Variants in ATP5MJ observed in about 807,000 individuals in gnomAD.
ATP5MJ encodes ATP synthase membrane subunit j, also known as ATP synthase F(0) complex subunit j, mitochondrial.
A neutral mutation model predicts 8.3 loss-of-function variants in ATP5MJ; 4 were observed. That is an observed-to-expected ratio of 0.48 (90% CI 0.24 to 1.11). The LOEUF is 1.11. Among genes scored for constraint, ATP5MJ ranks in the 50% least tolerant of loss-of-function variants. The probability of loss-of-function intolerance (pLI) is 0.18; values close to 1 mark genes in which losing one functional copy is unlikely to be tolerated. For missense variants in ATP5MJ, 66 were observed against 71.8 expected (o/e 0.92, Z 0.29); for synonymous variants, 23 against 21.3 (o/e 1.08, Z -0.23).
chr14:103,914,779 G>A, intron 2 of ATP5MJ: 1 of 466,600 alleles, frequency 2.1e-6, no homozygotes, highest in African/African-American at 2.2e-5. Context: ...GGAGGCTGCA[G>A]TGAACCATGA....
chr14:103,916,069 A>G (rs1415570429), intron 1 of ATP5MJ, among the ~76,000 whole-genome samples: 3 of 152,006 alleles, frequency 2.0e-5, no homozygotes, highest in Non-Finnish European at 2.9e-5. Context: ...GGCTCAGCAC[A>G]CTCTGATCAG....
chr14:103,915,529 TAGAG>T, intron 1 of ATP5MJ, among the ~76,000 whole-genome samples: 1 of 152,232 alleles, frequency 6.6e-6, no homozygotes, highest in African/African-American at 2.4e-5. Flanking sequence ...GTATTTTTAG[TAGAG>T]AGAGGGTTTT....
intron 1 of ATP5MJ, among the ~76,000 whole-genome samples, chr14:103,920,244 C>T (rs894524455): frequency 6.6e-6 from 1 of 151,396 alleles, no homozygotes; most frequent in African/African-American, 2.4e-5. Context: ...CCTGCCTCAG[C>T]CTCCTGAGTA....
At chr14:103,921,196 C>T in intron 1 of ATP5MJ, 1 of 628,032 alleles carries the variant, frequency 1.6e-6, no homozygotes, top group Admixed American at 2.6e-5. Context: ...CTCTCAAGGC[C>T]AAGGTACGCT....
In ATP5MJ at chr14:103,915,131, A is replaced by G; in HGVS notation, c.59T>C (p.Val20Ala). ...WIPMKPYYTK[V>A]YQEIWIGMGL... ...CATTCCTATCCAAATCTCCTGGTAA[A>G]CTTTGGTGTAGTAGGGCTTCATGGG... Residue 20 changes from valine (V) to alanine (A), a missense_variant, in exon 2 of 4, where the codon GTT becomes GCT. Val to Ala is a moderately conservative substitution (Grantham distance 64). Transcript: ENST00000286953. The G allele has an allele frequency of 1.9e-6, 3 of 1,614,082 alleles. No homozygotes were observed. Among genetic ancestry groups the G allele is most frequent in the Non-Finnish European group, 1.7e-6 (2 of 1,179,964 alleles).
At chr14:103,914,711 T>A in intron 2 of ATP5MJ, 1 of 553,700 alleles carries the variant, frequency 1.8e-6, no homozygotes, top group South Asian at 2.7e-5. Flanking sequence ...CCTGTGGTCC[T>A]AGCTACTTGG....
chr14:103,912,737 G>A, intron 3 of ATP5MJ, 43 bp from the exon 4 acceptor site: 3 of 1,575,650 alleles, frequency 1.9e-6, no homozygotes, highest in South Asian at 1.1e-5. Flanking sequence ...TAAGAAGGAA[G>A]GAACAAGTTG....
chr14:103,919,140 C>T (rs541379180), intron 1 of ATP5MJ, among the ~76,000 whole-genome samples: 2 of 152,050 alleles, frequency 1.3e-5, no homozygotes, highest in African/African-American at 4.8e-5. Flanking sequence ...CCCAGCATCT[C>T]GGGAGGCCAA....
chr14:103,914,762 A>C, intron 2 of ATP5MJ: 1 of 448,392 alleles, frequency 2.2e-6, no homozygotes, highest in Non-Finnish European at 3.9e-6. Context: ...ACCTGAGCCT[A>C]GGAGGTGGAG....
chr14:103,915,731 T>G (rs2087620594), intron 1 of ATP5MJ, among the ~76,000 whole-genome samples: 2 of 151,272 alleles, frequency 1.3e-5, no homozygotes, highest in South Asian at 4.2e-4. Flanking sequence ...TCAAGTGATC[T>G]GCCCACCTTG....
chr14:103,913,223 G>C (rs959075825), intron 3 of ATP5MJ: 12 of 154,090 alleles, frequency 7.8e-5, no homozygotes, highest in African/African-American at 2.4e-4. Flanking sequence ...GGGAGGCTAA[G>C]GCAGGAGAAT....
In ATP5MJ at chr14:103,912,704, G is replaced by C. The variant is rs112648570; in HGVS notation, c.149-10C>G. ...GGAGCAGGCGCTGAAGCTTTTGAAA[G>C]AGATGCATATATAAATATGATTTAA... On this transcript the variant is annotated splice_polypyrimidine_tract_variant and intron_variant, in intron 3 of 3. Transcript: ENST00000286953. 2.1e-5 allele frequency: 34 copies of C among 1,612,928 alleles called. No homozygotes were observed. In the African/African-American group the frequency reaches 2.7e-4, roughly 13 times the overall value.
At chr14:103,914,627 C>G (rs2087608149) in intron 2 of ATP5MJ, 1 of 598,504 alleles carries the variant, frequency 1.7e-6, no homozygotes, top group Non-Finnish European at 3.0e-6. Flanking sequence ...ATGGCAAAAC[C>G]CCATCTCTAC....
chr14:103,917,585 C>T (rs866235376), intron 1 of ATP5MJ, among the ~76,000 whole-genome samples: 3 of 152,052 alleles, frequency 2.0e-5, no homozygotes, highest in South Asian at 2.1e-4. Context: ...AGAGCCCCTT[C>T]GATTCCTCCC....
intron 1 of ATP5MJ, among the ~76,000 whole-genome samples, chr14:103,918,953 C>T (rs369738401): frequency 9.9e-5 from 15 of 151,426 alleles, no homozygotes; most frequent in African/African-American, 3.6e-4. Context: ...ACCCGGGAGG[C>T]GGAGCTTGCA....
intron 1 of ATP5MJ, among the ~76,000 whole-genome samples, chr14:103,915,841 T>A (rs957308440): frequency 1.3e-5 from 2 of 151,748 alleles, no homozygotes; most frequent in African/African-American, 4.8e-5. Flanking sequence ...CAGGGCCCCC[T>A]CCTCCCACCT....
intron 1 of ATP5MJ, among the ~76,000 whole-genome samples, chr14:103,916,486 G>A (rs777234477): frequency 3.9e-5 from 6 of 152,116 alleles, no homozygotes; most frequent in African/African-American, 7.2e-5. Context: ...TAATCCCAGC[G>A]CTTTGGGAGG....
At chr14:103,918,347 G>A (rs2087642006) in intron 1 of ATP5MJ, among the ~76,000 whole-genome samples, 1 of 151,342 alleles carries the variant, frequency 6.6e-6, no homozygotes, top group Non-Finnish European at 1.5e-5. Context: ...CCCTTTAGCT[G>A]TTGTTTCAGA....
intron 1 of ATP5MJ, chr14:103,920,894 T>A (rs1476186648): frequency 1.4e-6 from 2 of 1,383,458 alleles, no homozygotes; most frequent in Non-Finnish European, 2.0e-6. Flanking sequence ...TGTATCCACT[T>A]AAGTCTGCAA....
Sources: allele counts gnomAD v4.1 joint callset (sites outside exome capture counted in the v4.1 genomes callset), GRCh38; gene constraint gnomAD v4.1.1; transcripts MANE v1.5; gene names NCBI Gene and HGNC (gene_info 2026-07-23, HGNC 2026-07-21).